Variants in ZNF385D observed in about 807,000 individuals in gnomAD.
ZNF385D encodes zinc finger protein 385D.
In ZNF385D, 15 loss-of-function variants were observed where a neutral mutation model predicts 35.8. The observed-to-expected ratio is 0.42, with a 90% CI of 0.28 to 0.64. ZNF385D has a LOEUF of 0.64. Among genes scored for constraint, ZNF385D ranks in the 30% least tolerant of loss-of-function variants. The pLI is 0.23. For missense variants in ZNF385D, 474 were observed against 494.6 expected (o/e 0.96, Z 0.39); for synonymous variants, 212 against 186.8 (o/e 1.13, Z -1.10).
intron 3 of ZNF385D, among the ~76,000 whole-genome samples, chr3:21,533,346 CTTTTAT>C (rs922950794): frequency 2.9e-4 from 44 of 152,104 alleles, no homozygotes; most frequent in African/African-American, 9.4e-4. Flanking sequence ...TGGAAAATGC[CTTTTAT>C]TTTTATTTTT....
chr3:22,178,481 G>T (rs951830601), intron 2 of ZNF385D, among the ~76,000 whole-genome samples: 1 of 151,978 alleles, frequency 6.6e-6, no homozygotes, highest in Non-Finnish European at 1.5e-5. Context: ...CTGGATATTA[G>T]CCCTTTGTCA....
chr3:22,307,345 G>A (rs1177166541), intron 2 of ZNF385D, among the ~76,000 whole-genome samples: 1 of 152,104 alleles, frequency 6.6e-6, no homozygotes, highest in Non-Finnish European at 1.5e-5. Flanking sequence ...TCTAAATAGT[G>A]TAAGTAATAA....
Position 21,465,450 on chromosome 3 carries a change from C to T in ZNF385D, c.440-28247G>A, listed in dbSNP as rs1703452510. On this transcript the variant is annotated intron_variant, in intron 4 of 7. Transcript: ENST00000281523. The surrounding 1 kb of genome is among the most constrained non-coding windows in gnomAD (Gnocchi z 4.2). ...TCTGCTCTTCCCAAGAGGGCCACAGCCTCTCATCACCTGGCCAGAGTAGGT... is the reference window on the plus strand; with the variant it reads ...TCTGCTCTTCCCAAGAGGGCCACAGTCTCTCATCACCTGGCCAGAGTAGGT... Among the ~76,000 whole-genome samples the T allele has an allele frequency of 6.6e-6, 1 of 152,140 alleles. No individual in the cohort carries two copies. Among genetic ancestry groups the T allele is most frequent in the South Asian group, 2.1e-4 (1 of 4,832 alleles).
intron 4 of ZNF385D, among the ~76,000 whole-genome samples, chr3:21,470,212 T>G (rs1373954687): frequency 6.6e-6 from 1 of 152,204 alleles, no homozygotes; most frequent in South Asian, 2.1e-4. Context: ...TCAATAAATA[T>G]GTACTGAAAG....
At chr3:22,147,141 A>G (rs1704912017) in intron 3 of ZNF385D, among the ~76,000 whole-genome samples, 2 of 152,224 alleles carry the variant, frequency 1.3e-5, no homozygotes, top group Admixed American at 1.3e-4. Context: ...ATTTAGAACA[A>G]GTACTAGGGA....
At chr3:21,884,042 T>C (rs761720639) in intron 3 of ZNF385D, among the ~76,000 whole-genome samples, 1 of 151,968 alleles carries the variant, frequency 6.6e-6, no homozygotes, top group East Asian at 1.9e-4. Flanking sequence ...ACATGTAGCA[T>C]AACACACACA....
intron 2 of ZNF385D, among the ~76,000 whole-genome samples, chr3:22,294,879 T>C (rs1007670705): frequency 3.2e-4 from 48 of 152,142 alleles, no homozygotes; most frequent in African/African-American, 9.4e-4. Flanking sequence ...ATCCTTTGTG[T>C]TTAAAAGGAA....
intron 1 of ZNF385D, among the ~76,000 whole-genome samples, chr3:21,686,479 A>G (rs1337199318): frequency 6.6e-6 from 1 of 152,256 alleles, no homozygotes; most frequent in African/African-American, 2.4e-5. Context: ...AATGAGTCAC[A>G]TATGCATTTT....
Position 22,234,489 on chromosome 3 carries a change from T to C in ZNF385D, c.107-65454A>G, listed in dbSNP as rs1176801763. Among the ~76,000 whole-genome samples, 6 of 152,174 alleles carry C rather than the reference T, an allele frequency of 3.9e-5. No individual in the cohort carries two copies. The South Asian group carries it at 8.3e-4, about 21-fold the overall frequency. ...ATTCCCTATTAATGCCCTAGATTTTTTTTTTCGTTCCTGAACTTGTTTCAT... is the reference window on the plus strand; with the variant it reads ...ATTCCCTATTAATGCCCTAGATTTTCTTTTTCGTTCCTGAACTTGTTTCAT... On this transcript the variant is annotated intron_variant, in intron 2 of 5. Transcript: ENST00000494108.
At chr3:21,924,944 T>A (rs1263820436) in intron 3 of ZNF385D, among the ~76,000 whole-genome samples, 1 of 151,972 alleles carries the variant, frequency 6.6e-6, no homozygotes, top group Non-Finnish European at 1.5e-5. Context: ...GCCAGCTAAT[T>A]CTAACAAGAC....
chr3:21,689,751 T>A (rs940906558), intron 1 of ZNF385D, among the ~76,000 whole-genome samples: 1 of 152,076 alleles, frequency 6.6e-6, no homozygotes, highest in East Asian at 1.9e-4. Context: ...TTTCTGGGCC[T>A]TACCACCTTA....
intron 3 of ZNF385D, among the ~76,000 whole-genome samples, chr3:21,544,547 A>G (rs1310922847): frequency 6.6e-6 from 1 of 152,178 alleles, no homozygotes; most frequent in Non-Finnish European, 1.5e-5. Context: ...GAAGTGTTGG[A>G]AAAATTCTGG....
intron 3 of ZNF385D, among the ~76,000 whole-genome samples, chr3:22,048,392 G>C (rs1440149933): frequency 6.6e-6 from 1 of 152,220 alleles, no homozygotes; most frequent in Middle Eastern, 3.4e-3. Flanking sequence ...TTATATTTAA[G>C]TCTTTGATCC....
chr3:22,250,800 G>C (rs1249204811), intron 2 of ZNF385D, among the ~76,000 whole-genome samples: 1 of 152,030 alleles, frequency 6.6e-6, no homozygotes, highest in Non-Finnish European at 1.5e-5. Context: ...GCTGTCAGTG[G>C]AGAGTTTAGA....
intron 3 of ZNF385D, among the ~76,000 whole-genome samples, chr3:22,093,125 T>G (rs2125606304): frequency 6.6e-6 from 1 of 152,138 alleles, no homozygotes; most frequent in South Asian, 2.1e-4. Flanking sequence ...ATGAAACAAT[T>G]TATTGCATTT....
intron 2 of ZNF385D, among the ~76,000 whole-genome samples, chr3:22,172,429 G>C (rs187076514): frequency 6.6e-6 from 1 of 152,296 alleles, no homozygotes; most frequent in East Asian, 1.9e-4. Context: ...AAAAATAAAA[G>C]TAGAAACAAT....
At chr3:21,997,913 AAG>A (rs1433418133) in intron 3 of ZNF385D, among the ~76,000 whole-genome samples, 1 of 140,596 alleles carries the variant, frequency 7.1e-6, no homozygotes, top group Admixed American at 7.4e-5. Context: ...GTGTGACAGA[AAG>A]AGAGAGAGAG....
chr3:22,228,700 T>C (rs1441542047), intron 2 of ZNF385D, among the ~76,000 whole-genome samples: 2 of 152,180 alleles, frequency 1.3e-5, no homozygotes, highest in African/African-American at 4.8e-5. Context: ...GATTAACATT[T>C]GAGCCAGTGG....
intron 2 of ZNF385D, among the ~76,000 whole-genome samples, chr3:22,265,685 G>T (rs563344693): frequency 5.9e-5 from 9 of 152,050 alleles, no homozygotes; most frequent in Non-Finnish European, 1.3e-4. Flanking sequence ...AGGAAGGAGT[G>T]ATCAGAAAAG....
Sources: gnomAD v4.1 joint callset for allele counts (sites outside exome capture counted in the v4.1 genomes callset) on GRCh38, gnomAD v4.1.1 for gene constraint, Gnocchi (gnomAD v3.1) non-coding constraint, MANE v1.5 for transcripts, NCBI Gene and HGNC (gene_info 2026-07-23, HGNC 2026-07-21) for gene names.